Variants in WWP1 observed in about 807,000 individuals in gnomAD.
The protein encoded by WWP1 is WW domain containing E3 ubiquitin protein ligase 1, also known as NEDD4-like E3 ubiquitin-protein ligase WWP1.
In WWP1, 49 loss-of-function variants were observed where a neutral mutation model predicts 130.6. The observed-to-expected ratio is 0.38, with a 90% confidence interval of 0.30 to 0.48. The LOEUF (loss-of-function observed/expected upper bound fraction) is 0.48. Among genes scored for constraint, WWP1 ranks in the 20% least tolerant of loss-of-function variants. The pLI is 0.99. For synonymous variants in WWP1, 332 were observed against 367.8 expected, an observed-to-expected ratio of 0.90 and a Z score of 1.11; for missense variants, 809 against 1,100.6, an observed-to-expected ratio of 0.74 and a Z score of 3.75.
intron 8 of WWP1, among the ~76,000 whole-genome samples, chr8:86,402,731 T>A (rs1313614751): frequency 6.6e-6 from 1 of 152,260 alleles, no homozygotes; most frequent in African/African-American, 2.4e-5. Flanking sequence ...GAACTTTTAC[T>A]GAGCAAGTGC....
intron 5 of WWP1, among the ~76,000 whole-genome samples, chr8:86,390,365 G>T (rs1192121091): frequency 6.6e-6 from 1 of 152,152 alleles, no homozygotes; most frequent in Non-Finnish European, 1.5e-5. Flanking sequence ...GGAGGTTGTA[G>T]CAAGCCGAGA....
At chr8:86,456,647 C>A (rs529006500) in intron 21 of WWP1, among the ~76,000 whole-genome samples, 1 of 151,844 alleles carries the variant, frequency 6.6e-6, no homozygotes. Flanking sequence ...AAGACTCATA[C>A]ATACATGTTA....
At position 86,445,976 on chromosome 8, in the gene WWP1, C is replaced by CTTTTCTT. The variant is rs1216312552; in HGVS notation, c.1999-2168_1999-2167insCTTTTTT. ...CTTTTCTTTTCTTTTCTTTTCTTTT[C>CTTTTCTT]TTTTTTTTTTTTTTTTTTTTTTGAG... is the stretch of plus-strand genomic sequence containing the variant. On this transcript the variant is annotated intron_variant, in intron 18 of 24. Transcript: ENST00000517970. 1.7e-3 allele frequency among the ~76,000 whole-genome samples: 141 copies of CTTTTCTT among 84,962 alleles called. 5 individuals are homozygous for CTTTTCTT. The highest frequency in any genetic ancestry group is 5.0e-3 in the African/African-American group (116 of 23,326). The allele number at this position is 84,962 out of a possible 152,430, so 55.7% of individuals were successfully genotyped here.
chr8:86,350,773 A>T (rs1822876698), intron 1 of WWP1, among the ~76,000 whole-genome samples: 1 of 152,202 alleles, frequency 6.6e-6, no homozygotes, highest in South Asian at 2.1e-4. Context: ...AATCTGATTG[A>T]CTGGGCTGGG....
chr8:86,400,857 T>G (rs542631122), intron 7 of WWP1, among the ~76,000 whole-genome samples: 78 of 152,278 alleles, frequency 5.1e-4, no homozygotes, highest in African/African-American at 1.9e-3. Context: ...AAAGATTTGT[T>G]GGCTAACCAG....
intron 5 of WWP1, among the ~76,000 whole-genome samples, chr8:86,392,622 T>C (rs1346593069): frequency 6.6e-6 from 1 of 152,196 alleles, no homozygotes; most frequent in African/African-American, 2.4e-5. Flanking sequence ...AAATGTATCA[T>C]TTGTGGTACT....
intron 5 of WWP1, among the ~76,000 whole-genome samples, chr8:86,396,736 G>T (rs140710832): frequency 6.6e-6 from 1 of 152,038 alleles, no homozygotes; most frequent in East Asian, 1.9e-4. Context: ...TGGGAATACA[G>T]GCACATGCCA....
chr8:86,366,811 C>G (rs1824001267), intron 1 of WWP1, among the ~76,000 whole-genome samples: 2 of 152,134 alleles, frequency 1.3e-5, no homozygotes, highest in South Asian at 4.1e-4. Flanking sequence ...ACGAGTTGGT[C>G]ACCCTCCTGT....
chr8:86,441,452 C>T (rs1810587364), intron 17 of WWP1, among the ~76,000 whole-genome samples: 2 of 152,176 alleles, frequency 1.3e-5, no homozygotes, highest in South Asian at 4.1e-4. Flanking sequence ...GGCTGCCAGG[C>T]CAGATGTAGC....
intron 16 of WWP1, among the ~76,000 whole-genome samples, chr8:86,436,827 T>C (rs753855631): frequency 2.6e-5 from 4 of 152,188 alleles, no homozygotes; most frequent in African/African-American, 9.7e-5. Flanking sequence ...ATACAGGGAC[T>C]TTTATTTATA....
At chr8:86,362,106 CATAT>C (rs1211657476) in intron 1 of WWP1, among the ~76,000 whole-genome samples, 45 of 96,488 alleles carry the variant, frequency 4.7e-4, no homozygotes, top group African/African-American at 1.5e-3. Context: ...ATACACTAGG[CATAT>C]ATATATACAC....
intron 24 of WWP1, among the ~76,000 whole-genome samples, chr8:86,464,089 G>A (rs1811910296): frequency 2.0e-5 from 3 of 152,008 alleles, no homozygotes; most frequent in South Asian, 2.1e-4. Context: ...ATCAAAAAGT[G>A]CAAGAAGAGG....
chr8:86,451,159 C>T (rs1811150537), intron 20 of WWP1, among the ~76,000 whole-genome samples: 1 of 135,330 alleles, frequency 7.4e-6, no homozygotes, highest in Non-Finnish European at 1.5e-5. Flanking sequence ...ATCACCTAAG[C>T]CCAGGGAGGT....
intron 14 of WWP1, among the ~76,000 whole-genome samples, chr8:86,433,413 C>T (rs1478750722): frequency 1.3e-5 from 2 of 151,834 alleles, no homozygotes; most frequent in Non-Finnish European, 2.9e-5. Flanking sequence ...CTTGGTAGGT[C>T]CTGTAAAACC....
rs143975359 is a variant in WWP1, at chr8:86,449,942, T to C, written c.2273+1429T>C. Reference sequence around the variant, plus strand: ...GCTATTCCTGTCAATAGAGATCATTTAGGTTGTGTCCAGTTTGGGCCACTG... The same window carrying C: ...GCTATTCCTGTCAATAGAGATCATTCAGGTTGTGTCCAGTTTGGGCCACTG... On this transcript the variant is annotated intron_variant, in intron 20 of 24. Coordinates refer to ENST00000517970, the MANE Select transcript of WWP1 (RefSeq NM_007013.4). Among the ~76,000 whole-genome samples, 839 of 152,304 alleles carry C rather than the reference T, an allele frequency of 5.5e-3. 10 individuals are homozygous for C. The highest frequency in any genetic ancestry group is 0.019 in the African/African-American group (773 of 41,558).
chr8:86,440,521 A>ATCTCGGT, intron 17 of WWP1: 1 of 322,918 alleles, frequency 3.1e-6, no homozygotes, highest in Admixed American at 4.2e-5. Flanking sequence ...GTGAAGTGTG[A>ATCTCGGT]GGCCAGCCCC....
Position 86,367,397 on chromosome 8 carries a change from CTCTT to C in WWP1, c.-114-1531_-114-1528del, listed in dbSNP as rs1362131674. 8.5e-5 allele frequency among the ~76,000 whole-genome samples: 13 copies of C among 152,184 alleles called. 1 individual carries two copies. The highest frequency in any genetic ancestry group is 4.1e-4 in the South Asian group (2 of 4,826). On this transcript the variant is annotated intron_variant, in intron 1 of 24. Coordinates refer to ENST00000517970, the MANE Select transcript of WWP1 (RefSeq NM_007013.4). The stretch of plus-strand genomic sequence containing the variant: ...TCTAATTGGATTTCTTTCTTTCTTT[CTCTT>C]TCTTTCTTTCACAATTTTGCTTCTG...
chr8:86,448,617 C>A (rs556549554), intron 20 of WWP1, 104 bp downstream of exon 20: 10 of 1,126,644 alleles, frequency 8.9e-6, no homozygotes, highest in Non-Finnish European at 1.2e-5. Flanking sequence ...TTGGGAAGTT[C>A]TTCTCACCAG....
At chr8:86,449,859 T>C (rs1273597663) in intron 20 of WWP1, among the ~76,000 whole-genome samples, 1 of 152,210 alleles carries the variant, frequency 6.6e-6, no homozygotes, top group African/African-American at 2.4e-5. Flanking sequence ...TACAGTTAAA[T>C]CTAACTCATT....
Sources: gnomAD v4.1 joint callset for allele counts (sites outside exome capture counted in the v4.1 genomes callset) on GRCh38, gnomAD v4.1.1 for gene constraint, MANE v1.5 for transcripts, NCBI Gene and HGNC (gene_info 2026-07-23, HGNC 2026-07-21) for gene names.